EVI5: variants seen among roughly 807,000 people sequenced by gnomAD.
The protein encoded by EVI5 is ecotropic viral integration site 5 protein homolog.
EVI5 carries 73 observed loss-of-function variants against 112.0 expected under a neutral mutation model. The observed-to-expected ratio is 0.65, with a 90% CI of 0.54 to 0.79. EVI5 has a LOEUF of 0.79. EVI5 is among the 30% of genes least tolerant of loss of function. EVI5 has a pLI of 0.00. For missense variants in EVI5, 900 were observed against 968.8 expected, an observed-to-expected ratio of 0.93 and a Z score of 0.94; for synonymous variants, 305 against 319.9, an observed-to-expected ratio of 0.95 and a Z score of 0.50.
intron 19 of EVI5, among the ~76,000 whole-genome samples, chr1:92,515,701 T>C (rs899488551): frequency 6.6e-6 from 1 of 152,182 alleles, no homozygotes; most frequent in Non-Finnish European, 1.5e-5. Context: ...CAATGTGAAA[T>C]ATTCAGGAAA....
intron 17 of EVI5, among the ~76,000 whole-genome samples, chr1:92,606,926 C>CAT (rs1557886818): frequency 7.3e-6 from 1 of 137,842 alleles, no homozygotes; most frequent in African/African-American, 2.7e-5. Flanking sequence ...ACACACACCC[C>CAT]CCCAAACCCT....
chr1:92,569,852 C>CAAAAAA (rs1184172805), intron 18 of EVI5, among the ~76,000 whole-genome samples: 29 of 39,462 alleles, frequency 7.3e-4, no homozygotes, highest in Middle Eastern at 0.014. Flanking sequence ...GACTCCATCT[C>CAAAAAA]AAAAAAAAAA....
intron 1 of EVI5, among the ~76,000 whole-genome samples, chr1:92,742,910 T>C (rs1274793718): frequency 1.3e-5 from 2 of 152,134 alleles, no homozygotes; most frequent in Non-Finnish European, 2.9e-5. Context: ...TCCAAAGAAC[T>C]GAAACAAGGA....
chr1:92,521,691 CAA>C (rs1206621877), intron 19 of EVI5, among the ~76,000 whole-genome samples: 7 of 81,862 alleles, frequency 8.6e-5, no homozygotes, highest in Non-Finnish European at 1.8e-4. Context: ...GACTCCGTCT[CAA>C]AAAAAAAAAA....
At chr1:92,586,852 T>A (rs1275609915) in intron 18 of EVI5, among the ~76,000 whole-genome samples, 1 of 152,032 alleles carries the variant, frequency 6.6e-6, no homozygotes, top group Non-Finnish European at 1.5e-5. Context: ...GAATCAGCCA[T>A]TTCTGTGAGA....
At chr1:92,677,071 G>A (rs1666865428) in intron 10 of EVI5, 87 bp downstream of exon 10, 1 of 806,800 alleles carries the variant, frequency 1.2e-6, no homozygotes, top group Admixed American at 2.5e-5. Context: ...ATACATTTAT[G>A]AATATAAGAA....
chr1:92,783,073 T>C (rs1019820287), intron 1 of EVI5, among the ~76,000 whole-genome samples: 7 of 152,086 alleles, frequency 4.6e-5, no homozygotes, highest in African/African-American at 7.2e-5. Flanking sequence ...CACCTGCCTC[T>C]GCCTCCCAAA....
chr1:92,749,197 G>T, intron 1 of EVI5: 1 of 308,698 alleles, frequency 3.2e-6, no homozygotes, highest in South Asian at 2.8e-5. Flanking sequence ...TCCTCCAGTA[G>T]AGGGCACACT....
chr1:92,745,659 T>G (rs1433500578), intron 1 of EVI5, among the ~76,000 whole-genome samples: 2 of 151,722 alleles, frequency 1.3e-5, no homozygotes, highest in Non-Finnish European at 2.9e-5. Flanking sequence ...ACAAAAAAAA[T>G]TAGCTGGGTG....
chr1:92,578,598 G>C (rs1671451680), intron 18 of EVI5, among the ~76,000 whole-genome samples: 1 of 151,836 alleles, frequency 6.6e-6, no homozygotes, highest in Non-Finnish European at 1.5e-5. Flanking sequence ...GGTGCCTGTA[G>C]TCCCAGCTAC....
intron 2 of EVI5, chr1:92,714,052 G>A (rs1673242640): frequency 1.0e-6 from 1 of 984,306 alleles, no homozygotes; most frequent in Admixed American, 6.2e-5. Context: ...AAAAAGAAAA[G>A]CACATTTAAC....
At chr1:92,631,156 A>G (rs1656972425) in intron 14 of EVI5, among the ~76,000 whole-genome samples, 1 of 152,048 alleles carries the variant, frequency 6.6e-6, no homozygotes, top group Admixed American at 6.6e-5. Context: ...TTGACTTGGC[A>G]ATGCAGGCTC....
At position 92,563,639 on chromosome 1, in the gene EVI5, T is replaced by C. The variant is rs1668963741; in HGVS notation, c.2166+3A>G. 3 of 1,507,512 alleles carry C rather than the reference T, an allele frequency of 2.0e-6. No individual in the cohort carries two copies. Among genetic ancestry groups the C allele is most frequent in the African/African-American group, 1.4e-5 (1 of 72,682 alleles). The allele number at this position is 1,507,512 out of a possible 1,614,324, so 93.4% of individuals were successfully genotyped here. On this transcript the variant is annotated splice_donor_region_variant and intron_variant, in intron 19 of 19. Coordinates refer to ENST00000684568, the MANE Select transcript of EVI5 (RefSeq NM_001350197.2). ...TATGTGAAGATCAAAATTTATCACT[T>C]ACCTCATGATTCAGCTCTGCTATCT...
intron 1 of EVI5, 92 bp downstream of exon 1, chr1:92,784,744 G>T: frequency 1.1e-6 from 1 of 915,704 alleles, no homozygotes; most frequent in Non-Finnish European, 1.3e-6. Context: ...GCCCCCGCCC[G>T]CCGCGCCTCG....
At chr1:92,592,316 G>T (rs1439911344) in intron 18 of EVI5, among the ~76,000 whole-genome samples, 1 of 152,188 alleles carries the variant, frequency 6.6e-6, no homozygotes, top group Non-Finnish European at 1.5e-5. Context: ...GCTCCTGAAT[G>T]ACTACTGGGT....
intron 9 of EVI5, among the ~76,000 whole-genome samples, chr1:92,681,074 G>C: frequency 6.6e-6 from 1 of 152,144 alleles, no homozygotes; most frequent in South Asian, 2.1e-4. Context: ...ATACACTGTG[G>C]ATTAGATAAT....
intron 18 of EVI5, among the ~76,000 whole-genome samples, chr1:92,585,189 C>T (rs1672577185): frequency 6.7e-6 from 1 of 148,782 alleles, no homozygotes; most frequent in Non-Finnish European, 1.5e-5. Context: ...CACCATTGCA[C>T]TCTAGCCTAA....
intron 10 of EVI5, among the ~76,000 whole-genome samples, chr1:92,668,383 G>A (rs987696296): frequency 6.6e-6 from 1 of 152,154 alleles, no homozygotes; most frequent in Non-Finnish European, 1.5e-5. Context: ...ATTAAATGCT[G>A]CTAAAGTCTA....
chr1:92,620,661 T>A (rs1654343008), intron 16 of EVI5, among the ~76,000 whole-genome samples: 1 of 152,082 alleles, frequency 6.6e-6, no homozygotes, highest in Non-Finnish European at 1.5e-5. Context: ...GAATTCAATA[T>A]CCTGCAAATA....
Sources: gnomAD v4.1 joint callset for allele counts (sites outside exome capture counted in the v4.1 genomes callset) on GRCh38, gnomAD v4.1.1 for gene constraint, MANE v1.5 for transcripts, NCBI Gene and HGNC (gene_info 2026-07-23, HGNC 2026-07-21) for gene names.